COBL: variants seen among roughly 807,000 people sequenced by gnomAD.
COBL encodes cordon-bleu WH2 repeat protein.
A neutral mutation model predicts 98.8 loss-of-function variants in COBL; 51 were observed. The ratio of observed to expected loss-of-function variants is 0.52; its 90% CI spans 0.41 to 0.65. The LOEUF (loss-of-function observed/expected upper bound fraction) is 0.65. Ranked by LOEUF, COBL falls within the 30% of genes least tolerant of loss-of-function variation. The pLI is 0.00. For missense variants in COBL, 1,617 were observed against 1,617.5 expected, an observed-to-expected ratio of 1.00 and a Z score of 0.01; for synonymous variants, 634 against 651.7, an observed-to-expected ratio of 0.97 and a Z score of 0.41.
rs116562726 is a variant in COBL at position 51,254,537 on chromosome 7, C to T, written c.42-34593G>A. On this transcript the variant is annotated intron_variant, in intron 1 of 12. Transcript: ENST00000265136. ...CATCCTGGTAATGTGCACATATACC[C>T]TTGTTATCTGTCTTCCTTCCCTCTC... is the stretch of plus-strand genomic sequence containing the variant. Among the ~76,000 whole-genome samples, 1,432 of 152,260 alleles carry T rather than the reference C, an allele frequency of 9.4e-3. 22 individuals are homozygous for T. The highest frequency in any genetic ancestry group is 0.033 in the African/African-American group (1,380 of 41,530).
chr7:51,182,217 A>T (rs1011695602), intron 5 of COBL, among the ~76,000 whole-genome samples: 10 of 152,104 alleles, frequency 6.6e-5, no homozygotes, highest in African/African-American at 2.4e-4. Flanking sequence ...CAAAAACGTC[A>T]GGAAAAAAAA....
At chr7:51,119,267 CTAGTG>C (rs1797542365) in intron 6 of COBL, among the ~76,000 whole-genome samples, 1 of 152,006 alleles carries the variant, frequency 6.6e-6, no homozygotes, top group South Asian at 2.1e-4. Flanking sequence ...CATATATATC[CTAGTG>C]ATATATATGG....
chr7:51,245,954 T>A (rs1032186736), intron 1 of COBL, among the ~76,000 whole-genome samples: 1 of 152,182 alleles, frequency 6.6e-6, no homozygotes, highest in Non-Finnish European at 1.5e-5. Context: ...GCAAAAATAA[T>A]ATATTATCCA....
intron 1 of COBL, among the ~76,000 whole-genome samples, chr7:51,277,177 C>T (rs1303187017): frequency 2.0e-5 from 3 of 152,184 alleles, no homozygotes; most frequent in African/African-American, 7.2e-5. Context: ...TCCATGACGG[C>T]CACACATGCG....
chr7:51,284,228 G>A (rs1363827388), intron 1 of COBL, among the ~76,000 whole-genome samples: 4 of 151,438 alleles, frequency 2.6e-5, no homozygotes, highest in African/African-American at 7.3e-5. Flanking sequence ...GTGAACCTGG[G>A]AGGCAGAGCT....
rs1463981208 is a variant in COBL at position 51,219,821 on chromosome 7, C to T, written c.165G>A (p.Lys55=). ...LGSQQNLVRM[K]EALRASTMDV... ...CCATGGTGCTGGCCCTCAGCGCCTC[C>T]TTCATGCGAACCAAGTTCTGCTGCG... is the stretch of plus-strand genomic sequence containing the variant. The change falls in exon 2 of 13, where the codon AAG becomes AAA. Residue 55 remains lysine, a synonymous_variant. Transcript: ENST00000265136. The T allele has an allele frequency of 3.7e-6, 6 of 1,614,118 alleles. No homozygotes were observed. The highest frequency in any genetic ancestry group is 5.1e-6 in the Non-Finnish European group (6 of 1,180,038).
chr7:51,127,245 G>A (rs1411892773), intron 6 of COBL, among the ~76,000 whole-genome samples: 1 of 152,182 alleles, frequency 6.6e-6, no homozygotes, highest in South Asian at 2.1e-4. Flanking sequence ...AGTCACAAAC[G>A]TGAGCTACAC....
intron 7 of COBL, among the ~76,000 whole-genome samples, chr7:51,052,518 A>T (rs1790343300): frequency 6.6e-6 from 1 of 152,154 alleles, no homozygotes; most frequent in East Asian, 1.9e-4. Flanking sequence ...CCTTTGAGGG[A>T]AGTGTGGGGC....
intron 1 of COBL, among the ~76,000 whole-genome samples, chr7:51,266,138 G>T (rs1798180220): frequency 6.6e-6 from 1 of 152,192 alleles, no homozygotes; most frequent in South Asian, 2.1e-4. Context: ...ACAATCACAT[G>T]TGGGCAAATT....
At chr7:51,311,578 A>G (rs1466573831) in intron 1 of COBL, among the ~76,000 whole-genome samples, 1 of 152,232 alleles carries the variant, frequency 6.6e-6, no homozygotes, top group East Asian at 1.9e-4. Flanking sequence ...AGACAGATGA[A>G]AAATAAGGAA....
At chr7:51,132,136 A>G (rs1429159695) in intron 6 of COBL, among the ~76,000 whole-genome samples, 9 of 152,222 alleles carry the variant, frequency 5.9e-5, no homozygotes, top group African/African-American at 1.7e-4. Context: ...TTTTAAATAT[A>G]ATCTGCTACT....
At chr7:51,095,982 CAG>C (rs1266416989) in intron 6 of COBL, among the ~76,000 whole-genome samples, 1 of 151,994 alleles carries the variant, frequency 6.6e-6, no homozygotes, top group East Asian at 1.9e-4. Flanking sequence ...ATAGATTAAC[CAG>C]AGAGATCCAT....
At chr7:51,183,614 A>T (rs572932952) in intron 5 of COBL, among the ~76,000 whole-genome samples, 14 of 152,244 alleles carry the variant, frequency 9.2e-5, no homozygotes, top group Non-Finnish European at 1.9e-4. Context: ...TCATATCAGG[A>T]GGACCAAAGA....
chr7:51,262,384 C>T (rs570231938), intron 1 of COBL, among the ~76,000 whole-genome samples: 7 of 152,288 alleles, frequency 4.6e-5, no homozygotes, highest in African/African-American at 1.4e-4. Context: ...AGGAAGTTTC[C>T]GGACGAAACC....
At chr7:51,283,630 G>A (rs951761952) in intron 1 of COBL, among the ~76,000 whole-genome samples, 6 of 151,972 alleles carry the variant, frequency 3.9e-5, no homozygotes, top group Admixed American at 1.3e-4. Flanking sequence ...GATTACATGT[G>A]CGCACCACCA....
intron 1 of COBL, among the ~76,000 whole-genome samples, chr7:51,249,043 AATTT>A (rs1259183893): frequency 3.9e-5 from 6 of 152,224 alleles, no homozygotes; most frequent in Non-Finnish European, 8.8e-5. Flanking sequence ...GACATAGTAT[AATTT>A]ATTTATCCAA....
intron 6 of COBL, among the ~76,000 whole-genome samples, chr7:51,115,644 T>C (rs1797208785): frequency 6.6e-6 from 1 of 152,148 alleles, no homozygotes; most frequent in Non-Finnish European, 1.5e-5. Flanking sequence ...TATATTGAGA[T>C]GTGTTGGTAA....
chr7:51,187,902 G>C (rs1227228313), intron 4 of COBL: 2 of 1,232,326 alleles, frequency 1.6e-6, no homozygotes, highest in Non-Finnish European at 2.0e-6. Flanking sequence ...GGAAGCCCCA[G>C]GTTCACTGTA....
rs117058107 is a variant in COBL at position 51,234,558 on chromosome 7, G to A, written c.42-14614C>T. Among the ~76,000 whole-genome samples the A allele has an allele frequency of 9.8e-3, 1,486 of 152,152 alleles. 14 individuals carry two copies. Among genetic ancestry groups the A allele is most frequent in the Non-Finnish European group, 0.015 (1,024 of 67,998 alleles). ...TCTACGAAAAATACAAAAACTAGCCGGGCGTGTTGGTGTGTGCCTGTAGCC... is the reference window on the plus strand; with the variant it reads ...TCTACGAAAAATACAAAAACTAGCCAGGCGTGTTGGTGTGTGCCTGTAGCC... On this transcript the variant is annotated intron_variant, in intron 1 of 12. Transcript: ENST00000265136.
Sources: gnomAD v4.1 joint callset for allele counts (sites outside exome capture counted in the v4.1 genomes callset) on GRCh38, gnomAD v4.1.1 for gene constraint, MANE v1.5 for transcripts, NCBI Gene and HGNC (gene_info 2026-07-23, HGNC 2026-07-21) for gene names.